Variants in IQCM observed in about 807,000 individuals in gnomAD.
IQCM encodes the protein IQ motif containing M.
Under a neutral mutation model 57.6 loss-of-function variants are expected in IQCM, and 45 were observed. The observed-to-expected ratio is 0.78, with a 90% confidence interval of 0.62 to 1.00. The LOEUF (loss-of-function observed/expected upper bound fraction) is 1.00, where lower values mean the gene tolerates loss of function less well. Ranked by LOEUF, IQCM falls within the 50% of genes least tolerant of loss-of-function variation. The pLI is 0.00. For missense variants in IQCM, 468 were observed against 511.6 expected, an observed-to-expected ratio of 0.91 and a Z score of 0.82; for synonymous variants, 148 against 158.9, an observed-to-expected ratio of 0.93 and a Z score of 0.51.
chr4:149,555,485 T>C (rs1462771538), intron 10 of IQCM, among the ~76,000 whole-genome samples: 3 of 152,154 alleles, frequency 2.0e-5, no homozygotes, highest in African/African-American at 7.2e-5. Context: ...GTAACTGTAG[T>C]ACCAATATAC....
intron 11 of IQCM, among the ~76,000 whole-genome samples, chr4:149,551,217 C>G (rs1043214042): frequency 4.6e-5 from 7 of 152,150 alleles, no homozygotes; most frequent in Admixed American, 4.6e-4. Flanking sequence ...CAAATTAAGG[C>G]CTTTGTGCTT....
intron 7 of IQCM, among the ~76,000 whole-genome samples, chr4:149,651,152 A>C (rs1447721049): frequency 1.3e-5 from 2 of 152,194 alleles, no homozygotes; most frequent in Non-Finnish European, 2.9e-5. Context: ...CCACAGTTGC[A>C]GATCTGAGAC....
At chr4:149,401,156 A>ACC (rs1732594230) in intron 13 of IQCM, among the ~76,000 whole-genome samples, 1 of 151,762 alleles carries the variant, frequency 6.6e-6, no homozygotes, top group East Asian at 1.9e-4. Flanking sequence ...GGATACGATG[A>ACC]TGTAAGTCCC....
intron 12 of IQCM, among the ~76,000 whole-genome samples, chr4:149,458,180 AT>A (rs752441105): frequency 2.9e-4 from 44 of 152,098 alleles, no homozygotes; most frequent in Non-Finnish European, 5.3e-4. Flanking sequence ...AAAGTGCTTA[AT>A]AACTAAGATA....
At chr4:149,387,325 T>G (rs184602034) in intron 13 of IQCM, among the ~76,000 whole-genome samples, 9 of 152,074 alleles carry the variant, frequency 5.9e-5, no homozygotes, top group African/African-American at 2.2e-4. Context: ...ATCATCACCT[T>G]GAGGGTTGGG....
At chr4:149,395,804 T>C (rs1732183773) in intron 13 of IQCM, among the ~76,000 whole-genome samples, 2 of 152,032 alleles carry the variant, frequency 1.3e-5, no homozygotes, top group African/African-American at 2.4e-5. Context: ...GAAGGGAAAA[T>C]GACTAGACAT....
At chr4:149,807,709 T>C (rs1291493550) in intron 2 of IQCM, among the ~76,000 whole-genome samples, 1 of 151,676 alleles carries the variant, frequency 6.6e-6, no homozygotes, top group Admixed American at 6.6e-5. Flanking sequence ...AGCCAGAATA[T>C]ATAAGGGAAA....
chr4:149,552,008 A>G (rs1749083486), intron 11 of IQCM, among the ~76,000 whole-genome samples: 1 of 152,034 alleles, frequency 6.6e-6, no homozygotes, highest in African/African-American at 2.4e-5. Flanking sequence ...GAATTGATCT[A>G]GCAACCTCTG....
At chr4:149,624,836 A>G (rs1005515017) in intron 7 of IQCM, among the ~76,000 whole-genome samples, 8 of 152,214 alleles carry the variant, frequency 5.3e-5, no homozygotes, top group African/African-American at 1.9e-4. Context: ...GAGTAGAAGC[A>G]AGTTCAAATG....
chr4:149,709,773 C>G (rs1328259847), intron 5 of IQCM, among the ~76,000 whole-genome samples: 1 of 152,096 alleles, frequency 6.6e-6, no homozygotes, highest in East Asian at 1.9e-4. Context: ...ACTATGTTCA[C>G]AGCATGGATG....
chr4:149,746,081 G>C (rs1166559622), intron 2 of IQCM, among the ~76,000 whole-genome samples: 2 of 151,748 alleles, frequency 1.3e-5, no homozygotes, highest in Non-Finnish European at 2.9e-5. Flanking sequence ...AGGATGCAGG[G>C]AAACAAGCCA....
intron 8 of IQCM, among the ~76,000 whole-genome samples, chr4:149,601,790 G>C (rs987619665): frequency 6.6e-6 from 1 of 152,050 alleles, no homozygotes; most frequent in Non-Finnish European, 1.5e-5. Flanking sequence ...CTGGCGCGGT[G>C]GCTCATGCCT....
chr4:149,583,510 C>T (rs964299728), intron 9 of IQCM, among the ~76,000 whole-genome samples: 11 of 151,420 alleles, frequency 7.3e-5, no homozygotes, highest in African/African-American at 2.7e-4. Flanking sequence ...TATGAGCTTT[C>T]GAAGTTCAAC....
intron 2 of IQCM, among the ~76,000 whole-genome samples, chr4:149,788,910 A>T (rs986422291): frequency 6.6e-6 from 1 of 152,218 alleles, no homozygotes; most frequent in African/African-American, 2.4e-5. Context: ...GGCAAGTATC[A>T]CATGTTCTCA....
chr4:149,437,457 C>T (rs1433610450), intron 12 of IQCM, among the ~76,000 whole-genome samples: 1 of 152,024 alleles, frequency 6.6e-6, no homozygotes, highest in Non-Finnish European at 1.5e-5. Context: ...AGTATAAAAT[C>T]CCACAATATG....
chr4:149,365,781 C>T (rs1421334456), intron 13 of IQCM, among the ~76,000 whole-genome samples: 2 of 152,008 alleles, frequency 1.3e-5, no homozygotes, highest in Non-Finnish European at 2.9e-5. Context: ...AATACCCAAT[C>T]GGTAATCCTC....
chr4:149,464,987 C>G (rs150020048), intron 12 of IQCM, among the ~76,000 whole-genome samples: 1 of 152,024 alleles, frequency 6.6e-6, no homozygotes, highest in Non-Finnish European at 1.5e-5. Flanking sequence ...CATAGACCTG[C>G]AAAGAGAAGA....
chr4:149,690,588 T>A (rs945145497), intron 5 of IQCM, among the ~76,000 whole-genome samples: 5 of 152,054 alleles, frequency 3.3e-5, no homozygotes, highest in African/African-American at 4.8e-5. Flanking sequence ...AAATACATTT[T>A]AAGAAATAAA....
At chr4:149,599,676 G>A (rs1267890701) in intron 8 of IQCM, among the ~76,000 whole-genome samples, 1 of 152,076 alleles carries the variant, frequency 6.6e-6, no homozygotes, top group African/African-American at 2.4e-5. Flanking sequence ...AATACGTTTG[G>A]CAGATATATG....
Sources: allele counts gnomAD v4.1 joint callset (sites outside exome capture counted in the v4.1 genomes callset), GRCh38; gene constraint gnomAD v4.1.1; transcripts MANE v1.5; gene names NCBI Gene and HGNC (gene_info 2026-07-23, HGNC 2026-07-21).